The following ATXN7L1 variants were observed in gnomAD, a reference collection of about 807,000 sequenced individuals.
ATXN7L1 encodes the protein ataxin-7-like protein 1.
A neutral mutation model predicts 70.8 loss-of-function variants in ATXN7L1; 15 were observed. The observed-to-expected ratio is 0.21, with a 90% CI of 0.14 to 0.33. ATXN7L1 has a LOEUF of 0.33. Among genes scored for constraint, ATXN7L1 ranks in the 10% least tolerant of loss-of-function variants. The pLI, the probability that ATXN7L1 is intolerant of heterozygous loss-of-function variation, is 1.00. For missense variants in ATXN7L1, 975 were observed against 1,097.1 expected (o/e 0.89, Z 1.57); for synonymous variants, 440 against 445.1 (o/e 0.99, Z 0.14).
At chr7:105,755,495 C>G (rs1369116986) in intron 3 of ATXN7L1, among the ~76,000 whole-genome samples, 1 of 152,148 alleles carries the variant, frequency 6.6e-6, no homozygotes, top group East Asian at 1.9e-4. Flanking sequence ...TATTCCATTA[C>G]TATAAGTGAT....
chr7:105,758,075 A>C (rs1266831296), intron 3 of ATXN7L1, among the ~76,000 whole-genome samples: 1 of 151,974 alleles, frequency 6.6e-6, no homozygotes, highest in Non-Finnish European at 1.5e-5. Flanking sequence ...CCCTCTTCCG[A>C]GTCCCTACTC....
chr7:105,864,605 G>C (rs1398138764), intron 2 of ATXN7L1, among the ~76,000 whole-genome samples: 3 of 151,388 alleles, frequency 2.0e-5, no homozygotes, highest in African/African-American at 7.3e-5. Context: ...AACACACTTT[G>C]CAAAACATTG....
chr7:105,815,839 G>A (rs1167668828), intron 2 of ATXN7L1, among the ~76,000 whole-genome samples: 1 of 152,206 alleles, frequency 6.6e-6, no homozygotes, highest in Non-Finnish European at 1.5e-5. Flanking sequence ...CGGGAGCTGG[G>A]GACCGAGAGT....
rs973712338 is a variant in ATXN7L1, at chr7:105,620,443, C to T, written c.1396-122G>A. On this transcript the variant is annotated intron_variant, in intron 8 of 11. Coordinates refer to ENST00000419735, the MANE Select transcript of ATXN7L1 (RefSeq NM_020725.2). Reference sequence around the variant, plus strand: ...CACAGTTTTACTCAAAGAAGCAAACCGTACTGAAGCCAAAAATACTTCTGC... The same window carrying T: ...CACAGTTTTACTCAAAGAAGCAAACTGTACTGAAGCCAAAAATACTTCTGC... The T allele has an allele frequency of 6.0e-5, 63 of 1,046,068 alleles. No individual in the cohort carries two copies. In the Middle Eastern group the frequency reaches 2.8e-3, roughly 46 times the overall value. 64.8% of individuals were successfully genotyped at this position (1,046,068 alleles called of 1,614,324 possible).
chr7:105,871,554 T>C (rs538203327), intron 2 of ATXN7L1, among the ~76,000 whole-genome samples: 3 of 151,958 alleles, frequency 2.0e-5, no homozygotes, highest in African/African-American at 7.2e-5. Flanking sequence ...CTACTAAATA[T>C]ACAAAATTAG....
chr7:105,625,737 C>T (rs562755873), intron 7 of ATXN7L1, among the ~76,000 whole-genome samples: 5 of 152,234 alleles, frequency 3.3e-5, no homozygotes, highest in South Asian at 2.1e-4. Context: ...AGAGGTAGAA[C>T]TACCTGCTTC....
At chr7:105,638,245 T>C in intron 7 of ATXN7L1, 108 bp downstream of exon 7, 1 of 1,364,210 alleles carries the variant, frequency 7.3e-7, no homozygotes, top group Non-Finnish European at 9.8e-7. Context: ...TAGGAAGTAG[T>C]ACTATTATGA....
chr7:105,814,006 C>G (rs368387219), intron 2 of ATXN7L1, among the ~76,000 whole-genome samples: 1 of 152,282 alleles, frequency 6.6e-6, no homozygotes, highest in African/African-American at 2.4e-5. Context: ...CTTTCTTCCT[C>G]TCTTCCTCCA....
rs374602824 is a variant in ATXN7L1 at position 105,859,197 on chromosome 7, T to C, written c.250+16615A>G. On this transcript the variant is annotated intron_variant, in intron 2 of 11. Transcript: ENST00000419735. ...TTTAGGAGATGCATGCTGAAGTATT[T>C]AGGGGTGTCATGCTGTCTGTGACTT... Among the ~76,000 whole-genome samples, 12 of 152,102 alleles carry C rather than the reference T, an allele frequency of 7.9e-5. No individual in the cohort carries two copies. In the East Asian group the frequency reaches 2.1e-3, roughly 27 times the overall value.
In ATXN7L1 at chr7:105,731,648, G is replaced by A. The variant is rs749959153; in HGVS notation, c.355+56956C>T. On this transcript the variant is annotated intron_variant, in intron 3 of 11. Coordinates refer to ENST00000419735, the MANE Select transcript of ATXN7L1 (RefSeq NM_020725.2). ...GATGGGGTTTCACCACTTTGGTGGC[G>A]GGTCTTGAACTCCTGACCTCAGGTG... 3.1e-4 allele frequency among the ~76,000 whole-genome samples: 47 copies of A among 150,872 alleles called. 1 individual carries two copies. In the Middle Eastern group the frequency reaches 0.014, roughly 44 times the overall value.
chr7:105,773,061 TC>T (rs1802229351), intron 3 of ATXN7L1, among the ~76,000 whole-genome samples: 1 of 152,192 alleles, frequency 6.6e-6, no homozygotes, highest in African/African-American at 2.4e-5. Context: ...TCCCTCACCA[TC>T]CTTTACATCT....
intron 3 of ATXN7L1, among the ~76,000 whole-genome samples, chr7:105,668,761 A>G (rs1450002155): frequency 1.3e-5 from 2 of 151,998 alleles, no homozygotes; most frequent in Non-Finnish European, 2.9e-5. Flanking sequence ...TGGTAAGGCC[A>G]GGCATGGTGG....
chr7:105,771,938 GCAAA>G lies in ATXN7L1; in HGVS notation c.355+16662_355+16665del, dbSNP rs1364570926. Among the ~76,000 whole-genome samples the G allele has an allele frequency of 2.7e-5, 4 of 150,742 alleles. No individual in the cohort carries two copies. In the East Asian group the frequency reaches 7.8e-4, roughly 29 times the overall value. ...GAAGGCAGAAAAGGAGAACAAAGAAGCAAACAAAAAGCAATGTAAACGGAAATAT... is the reference window on the plus strand; with the variant it reads ...GAAGGCAGAAAAGGAGAACAAAGAAGCAAAAAGCAATGTAAACGGAAATAT... On this transcript the variant is annotated intron_variant, in intron 3 of 11. Transcript: ENST00000419735.
chr7:105,616,019 C>T (rs1251170991), intron 9 of ATXN7L1, among the ~76,000 whole-genome samples: 1 of 152,236 alleles, frequency 6.6e-6, no homozygotes, highest in Non-Finnish European at 1.5e-5. Context: ...TGCAGGAAAG[C>T]ACATGGCCCT....
intron 3 of ATXN7L1, among the ~76,000 whole-genome samples, chr7:105,693,131 T>C (rs1045951973): frequency 2.0e-5 from 3 of 152,178 alleles, no homozygotes; most frequent in Non-Finnish European, 4.4e-5. Flanking sequence ...TTTAGTTACC[T>C]GAGGAGTTCA....
At position 105,690,384 on chromosome 7, in the gene ATXN7L1, A is replaced by G. The variant is rs117700384; in HGVS notation, c.356-25096T>C. On this transcript the variant is annotated intron_variant, in intron 3 of 11. Transcript: ENST00000419735. ...TTGGCAGCACTCAGCAGTTAGAACTATGTCAAGCCTCATCCTAATGGTCAC... is the reference window on the plus strand; with the variant it reads ...TTGGCAGCACTCAGCAGTTAGAACTGTGTCAAGCCTCATCCTAATGGTCAC... 4.6e-4 allele frequency among the ~76,000 whole-genome samples: 70 copies of G among 152,312 alleles called. No homozygotes were observed. In the East Asian group the frequency reaches 0.013, roughly 28 times the overall value.
chr7:105,642,754 A>G (rs890426935), intron 5 of ATXN7L1, 84 bp downstream of exon 5: 1 of 1,412,612 alleles, frequency 7.1e-7, no homozygotes, highest in Non-Finnish European at 9.5e-7. Flanking sequence ...CTGCTTAATG[A>G]TAACAGCACA....
intron 2 of ATXN7L1, among the ~76,000 whole-genome samples, chr7:105,793,281 G>A (rs976627891): frequency 1.3e-5 from 2 of 152,230 alleles, no homozygotes; most frequent in Admixed American, 6.5e-5. Flanking sequence ...TTCCTAGGGT[G>A]AGTGTCCTCA....
rs528408482 is a variant in ATXN7L1 at position 105,693,691 on chromosome 7, G to A, written c.356-28403C>T. ...GAAAAGCCACTGTGACTGTGGGCCA[G>A]CTTCACCTTTGTTTTGGAGAGCAAA... On this transcript the variant is annotated intron_variant, in intron 3 of 11. Coordinates refer to ENST00000419735, the MANE Select transcript of ATXN7L1 (RefSeq NM_020725.2). 2.0e-5 allele frequency among the ~76,000 whole-genome samples: 3 copies of A among 152,282 alleles called. 1 individual carries two copies. Among genetic ancestry groups the A allele is most frequent in the Middle Eastern group, 3.4e-3 (1 of 294 alleles).
Sources: gnomAD v4.1 joint callset for allele counts (sites outside exome capture counted in the v4.1 genomes callset) on GRCh38, gnomAD v4.1.1 for gene constraint, MANE v1.5 for transcripts, NCBI Gene and HGNC (gene_info 2026-07-23, HGNC 2026-07-21) for gene names.